The following KCNK9 variants were observed in gnomAD, a reference collection of about 807,000 sequenced individuals.
KCNK9 encodes the protein potassium channel subfamily K member 9.
A neutral mutation model predicts 10.8 loss-of-function variants in KCNK9; 1 was observed. That is an observed-to-expected ratio of 0.09 (90% CI 0.03 to 0.44). KCNK9 has a LOEUF of 0.44. KCNK9 is among the 20% of genes least tolerant of loss of function. The pLI, the probability that KCNK9 is intolerant of heterozygous loss-of-function variation, is 0.97. For missense variants in KCNK9, 303 were observed against 515.0 expected, an observed-to-expected ratio of 0.59 and a Z score of 3.98; for synonymous variants, 231 against 222.7, an observed-to-expected ratio of 1.04 and a Z score of -0.33.
chr8:139,698,101 G>T (rs1031412687), intron 1 of KCNK9, among the ~76,000 whole-genome samples: 1 of 152,206 alleles, frequency 6.6e-6, no homozygotes, highest in Non-Finnish European at 1.5e-5. Context: ...GCCCAGCCCT[G>T]GTCCCAGGGA....
At chr8:139,649,067 G>A (rs577843086) in intron 1 of KCNK9, among the ~76,000 whole-genome samples, 7 of 152,224 alleles carry the variant, frequency 4.6e-5, no homozygotes, top group Non-Finnish European at 7.4e-5. Context: ...TTTATCCTCC[G>A]AGGAGCTTTC....
intron 1 of KCNK9, among the ~76,000 whole-genome samples, chr8:139,685,075 G>C (rs1253484811): frequency 6.6e-6 from 1 of 151,322 alleles, no homozygotes; most frequent in Non-Finnish European, 1.5e-5. Context: ...AAATAAGTTT[G>C]ATTTAATAGG....
At chr8:139,686,560 T>G (rs1484615070) in intron 1 of KCNK9, among the ~76,000 whole-genome samples, 1 of 152,212 alleles carries the variant, frequency 6.6e-6, no homozygotes, top group Non-Finnish European at 1.5e-5. Flanking sequence ...ACTAACTTAA[T>G]CTTCTCAACA....
rs1814651936 is a variant in KCNK9, at chr8:139,617,981, T to G, written c.*277A>C. 1 of 446,650 alleles carries G rather than the reference T, an allele frequency of 2.2e-6. No homozygotes were observed. The highest frequency in any genetic ancestry group is 2.3e-5 in the South Asian group (1 of 43,756). The allele number at this position is 446,650 out of a possible 1,614,324, so 27.7% of individuals were successfully genotyped here. A position where few individuals can be genotyped will look rare whatever the true frequency, so the allele number is the denominator to read the frequency against. Reference sequence around the variant, plus strand: ...ATGATGGGGTGGGTGGGGTGAGAAATGTAAGGCATAGTCTGCTGGGAAGGA... The same window carrying G: ...ATGATGGGGTGGGTGGGGTGAGAAAGGTAAGGCATAGTCTGCTGGGAAGGA... On this transcript the variant is annotated 3_prime_UTR_variant, in exon 2 of 2. Coordinates refer to ENST00000520439, the MANE Select transcript of KCNK9 (RefSeq NM_001282534.2).
intron 1 of KCNK9, among the ~76,000 whole-genome samples, chr8:139,646,834 G>A (rs544421643): frequency 6.6e-6 from 1 of 152,230 alleles, no homozygotes; most frequent in African/African-American, 2.4e-5. Context: ...AACATAGAGA[G>A]CACCAACCAG....
chr8:139,628,815 G>C (rs930968668), intron 1 of KCNK9, among the ~76,000 whole-genome samples: 6 of 152,064 alleles, frequency 3.9e-5, no homozygotes, highest in African/African-American at 1.2e-4. Flanking sequence ...CAACATTCAC[G>C]AAGGCCTTTC....
chr8:139,671,887 C>G (rs1197785691), intron 1 of KCNK9, among the ~76,000 whole-genome samples: 1 of 152,188 alleles, frequency 6.6e-6, no homozygotes, highest in Non-Finnish European at 1.5e-5. Flanking sequence ...AGTATTTATT[C>G]AAGGCTCCCC....
At chr8:139,678,832 A>C (rs955460704) in intron 1 of KCNK9, among the ~76,000 whole-genome samples, 1 of 152,222 alleles carries the variant, frequency 6.6e-6, no homozygotes, top group African/African-American at 2.4e-5. Flanking sequence ...ACAGCAGTAA[A>C]TGGCCTCTCT....
chr8:139,602,789 C>A (rs1159829673), intron 2 of KCNK9, among the ~76,000 whole-genome samples: 1 of 152,198 alleles, frequency 6.6e-6, no homozygotes, highest in Non-Finnish European at 1.5e-5. Flanking sequence ...TGAGAAGGAG[C>A]TCAATTGAAA....
At chr8:139,695,710 C>T (rs1311866007) in intron 1 of KCNK9, among the ~76,000 whole-genome samples, 1 of 151,316 alleles carries the variant, frequency 6.6e-6, no homozygotes, top group Admixed American at 6.6e-5. Flanking sequence ...ATTTCTCTGC[C>T]CATGGGACTC....
At chr8:139,604,592 G>T (rs1176915720) in intron 2 of KCNK9, among the ~76,000 whole-genome samples, 1 of 152,224 alleles carries the variant, frequency 6.6e-6, no homozygotes, top group East Asian at 1.9e-4. Context: ...AGGAGAGAAA[G>T]CAATCCGTCC....
rs908821090 is a variant in KCNK9, at chr8:139,693,740, G to A, written c.283+8970C>T. 5.9e-5 allele frequency among the ~76,000 whole-genome samples: 9 copies of A among 152,184 alleles called. No homozygotes were observed. Among genetic ancestry groups the A allele is most frequent in the African/African-American group, 1.4e-4 (6 of 41,436 alleles). On this transcript the variant is annotated intron_variant, in intron 1 of 1. Transcript: ENST00000520439. The surrounding 1 kb of genome is among the most constrained non-coding windows in gnomAD (Gnocchi z 4.1). ...GAAGGTGTGGGAACAGGGCCTGAGC[G>A]GGGCTGGAGGATGAAAAGGGCTGCA...
At chr8:139,667,883 TAA>T (rs4058468) in intron 1 of KCNK9, among the ~76,000 whole-genome samples, 39,698 of 146,260 alleles carry the variant, frequency 0.27, 5,590 homozygotes, top group African/African-American at 0.4. Context: ...TCCGTCTTAA[TAA>T]AAAAAAAAAA....
chr8:139,613,307 A>C (rs1277525488), downstream of KCNK9, among the ~76,000 whole-genome samples: 1 of 152,198 alleles, frequency 6.6e-6, no homozygotes, highest in African/African-American at 2.4e-5. Context: ...GATCTTCAAC[A>C]TAGAAGGTCA....
intron 1 of KCNK9, among the ~76,000 whole-genome samples, chr8:139,668,484 C>T (rs796351191): frequency 1.0e-4 from 15 of 149,830 alleles, no homozygotes; most frequent in Admixed American, 2.7e-4. Context: ...TGCAATGGCA[C>T]GATCTTGGCT....
intron 1 of KCNK9, among the ~76,000 whole-genome samples, chr8:139,657,032 T>C (rs1254693956): frequency 6.6e-6 from 1 of 152,154 alleles, no homozygotes; most frequent in Non-Finnish European, 1.5e-5. Flanking sequence ...TTGCAGGTGC[T>C]ATGTCCTCCA....
intron 1 of KCNK9, among the ~76,000 whole-genome samples, chr8:139,668,780 T>C (rs1816359929): frequency 6.6e-6 from 1 of 152,202 alleles, no homozygotes; most frequent in East Asian, 1.9e-4. Flanking sequence ...CTCCCTTTAT[T>C]GCAATCTTCA....
intron 1 of KCNK9, among the ~76,000 whole-genome samples, chr8:139,620,187 T>A (rs1448176117): frequency 6.6e-6 from 1 of 152,170 alleles, no homozygotes; most frequent in African/African-American, 2.4e-5. Flanking sequence ...GTTCAAACTG[T>A]GGGACTAACA....
At chr8:139,633,346 A>G (rs1413178520) in intron 1 of KCNK9, among the ~76,000 whole-genome samples, 1 of 152,164 alleles carries the variant, frequency 6.6e-6, no homozygotes, top group Non-Finnish European at 1.5e-5. Flanking sequence ...GAATGCTTGT[A>G]AAAGGCCTAG....
Sources: allele counts gnomAD v4.1 joint callset (sites outside exome capture counted in the v4.1 genomes callset), GRCh38; gene constraint gnomAD v4.1.1; non-coding constraint Gnocchi (gnomAD v3.1); transcripts MANE v1.5; gene names NCBI Gene and HGNC (gene_info 2026-07-23, HGNC 2026-07-21).